Variants in HDAC9 observed in about 807,000 individuals in gnomAD.
HDAC9 encodes histone deacetylase 9.
HDAC9 carries 41 observed loss-of-function variants against 139.4 expected under a neutral mutation model. The ratio of observed to expected loss-of-function variants is 0.29; its 90% CI spans 0.23 to 0.38. The LOEUF is 0.38. HDAC9 is among the 10% of genes least tolerant of loss of function. HDAC9 has a pLI of 1.00. For synonymous variants in HDAC9, 517 were observed against 476.2 expected (o/e 1.09, Z -1.12); for missense variants, 1,147 against 1,297.0 (o/e 0.88, Z 1.78).
chr7:18,270,842 T>A (rs1347000163), intron 2 of HDAC9, among the ~76,000 whole-genome samples: 1 of 152,150 alleles, frequency 6.6e-6, no homozygotes, highest in Non-Finnish European at 1.5e-5. Context: ...GAATTTTATA[T>A]CATCATTGGA....
chr7:18,138,527 G>GA (rs373098473), intron 1 of HDAC9, among the ~76,000 whole-genome samples: 7 of 142,586 alleles, frequency 4.9e-5, no homozygotes, highest in African/African-American at 7.8e-5. Context: ...GAGAGAGAGA[G>GA]GTGTGTGTGT....
intron 1 of HDAC9, among the ~76,000 whole-genome samples, chr7:18,404,844 G>T (rs2128738051): frequency 6.6e-6 from 1 of 152,276 alleles, no homozygotes; most frequent in African/African-American, 2.4e-5. Context: ...TAAAAAGAAA[G>T]ATTAATAAAA....
At chr7:18,616,596 A>G (rs968960481) in intron 6 of HDAC9, among the ~76,000 whole-genome samples, 1 of 152,226 alleles carries the variant, frequency 6.6e-6, no homozygotes, top group Non-Finnish European at 1.5e-5. Flanking sequence ...TATAAATGCT[A>G]TTGAGGTAGA....
chr7:18,728,288 T>G (rs1785721780), intron 13 of HDAC9, among the ~76,000 whole-genome samples: 1 of 152,152 alleles, frequency 6.6e-6, no homozygotes, highest in Non-Finnish European at 1.5e-5. Context: ...AATCTCTGGG[T>G]GGGCTTTTCG....
intron 1 of HDAC9, among the ~76,000 whole-genome samples, chr7:18,457,269 C>A (rs1793427159): frequency 6.6e-6 from 1 of 152,100 alleles, no homozygotes; most frequent in African/African-American, 2.4e-5. Context: ...TCAAGTGAAC[C>A]ACTCAGTGAC....
chr7:18,351,055 C>G lies in HDAC9; in HGVS notation c.-42+60540C>G, dbSNP rs536793931. Among the ~76,000 whole-genome samples, 20 of 152,274 alleles carry G rather than the reference C, an allele frequency of 1.3e-4. No individual in the cohort carries two copies. In the East Asian group the frequency reaches 3.9e-3, roughly 29 times the overall value. ...AGCCTCTGTGATTGAATCAAAGTCT[C>G]CTCTTAACTCCTTTTTTTCCTTCAT... On this transcript the variant is annotated intron_variant, in intron 1 of 3. Transcript: ENST00000413509.
intron 8 of HDAC9, among the ~76,000 whole-genome samples, chr7:18,638,962 C>T (rs1784738459): frequency 6.6e-6 from 1 of 151,970 alleles, no homozygotes; most frequent in Non-Finnish European, 1.5e-5. Context: ...AATATGTTTC[C>T]ATGGATATCA....
intron 1 of HDAC9, among the ~76,000 whole-genome samples, chr7:18,354,376 G>A (rs770647490): frequency 1.6e-4 from 24 of 152,024 alleles, no homozygotes; most frequent in Non-Finnish European, 2.6e-4. Context: ...GAAAAAATTG[G>A]TTTCTTATAT....
chr7:18,768,513 C>G (rs1466856593), intron 16 of HDAC9, among the ~76,000 whole-genome samples: 1 of 152,152 alleles, frequency 6.6e-6, no homozygotes, highest in African/African-American at 2.4e-5. Context: ...TAGCCAACCT[C>G]CTGTGGAGCT....
intron 25 of HDAC9, among the ~76,000 whole-genome samples, chr7:18,986,918 G>C (rs1442991791): frequency 6.6e-6 from 1 of 152,144 alleles, no homozygotes; most frequent in Admixed American, 6.5e-5. Flanking sequence ...CATTGATTTT[G>C]TATCCTGAGA....
At chr7:18,551,523 G>A (rs1395371891) in intron 2 of HDAC9, among the ~76,000 whole-genome samples, 1 of 152,156 alleles carries the variant, frequency 6.6e-6, no homozygotes, top group East Asian at 1.9e-4. Flanking sequence ...TAGTGAGATA[G>A]AAACCCTGAC....
intron 6 of HDAC9, among the ~76,000 whole-genome samples, chr7:18,616,038 T>C (rs1198998506): frequency 1.3e-5 from 2 of 152,178 alleles, no homozygotes; most frequent in Non-Finnish European, 2.9e-5. Context: ...GCTCTAGCTG[T>C]GGGCTGTCCC....
chr7:18,574,709 G>A (rs186190040), intron 2 of HDAC9, among the ~76,000 whole-genome samples: 1 of 152,238 alleles, frequency 6.6e-6, no homozygotes, highest in Non-Finnish European at 1.5e-5. Context: ...AGGCCAAGAC[G>A]ACAGGGGGCT....
At chr7:18,479,436 G>A (rs149557023) in intron 1 of HDAC9, among the ~76,000 whole-genome samples, 91 of 152,234 alleles carry the variant, frequency 6.0e-4, no homozygotes, top group African/African-American at 2.0e-3. Context: ...ACATATGTGG[G>A]ACAATATTCC....
chr7:18,869,748 T>C (rs34896059), intron 21 of HDAC9, among the ~76,000 whole-genome samples: 1 of 152,066 alleles, frequency 6.6e-6, no homozygotes, highest in Non-Finnish European at 1.5e-5. Flanking sequence ...ATTATTGTGG[T>C]GGTGTGAGAG....
chr7:18,177,042 G>A (rs1449791387), intron 2 of HDAC9, among the ~76,000 whole-genome samples: 1 of 152,178 alleles, frequency 6.6e-6, no homozygotes, highest in Non-Finnish European at 1.5e-5. Context: ...TGTCAAAGTA[G>A]ACATTGTATG....
At chr7:18,711,425 A>G (rs1330126496) in intron 12 of HDAC9, among the ~76,000 whole-genome samples, 1 of 152,196 alleles carries the variant, frequency 6.6e-6, no homozygotes, top group Non-Finnish European at 1.5e-5. Flanking sequence ...AGTGTTTACA[A>G]ATAAGCTCAT....
chr7:18,235,987 G>A (rs1338641336), intron 2 of HDAC9, among the ~76,000 whole-genome samples: 1 of 152,184 alleles, frequency 6.6e-6, no homozygotes, highest in Non-Finnish European at 1.5e-5. Flanking sequence ...ACATTTCTTT[G>A]CATTATACTG....
intron 22 of HDAC9, among the ~76,000 whole-genome samples, chr7:18,901,719 T>A (rs751554726): frequency 5.9e-5 from 9 of 152,202 alleles, no homozygotes; most frequent in Non-Finnish European, 1.2e-4. Flanking sequence ...TTCCTGAACA[T>A]CCAATAGGAT....
Sources: allele counts gnomAD v4.1 joint callset (sites outside exome capture counted in the v4.1 genomes callset), GRCh38; gene constraint gnomAD v4.1.1; transcripts MANE v1.5; gene names NCBI Gene and HGNC (gene_info 2026-07-23, HGNC 2026-07-21).